DOCK2: variants seen among roughly 807,000 people sequenced by gnomAD.
The protein encoded by DOCK2 is dedicator of cytokinesis 2.
In DOCK2, 87 loss-of-function variants were observed where a neutral mutation model predicts 248.9. That is an observed-to-expected ratio of 0.35 (90% CI 0.29 to 0.42). The LOEUF is 0.42. Ranked by LOEUF, DOCK2 falls within the 10% of genes least tolerant of loss-of-function variation. The probability of loss-of-function intolerance (pLI) is 1.00; values close to 1 mark genes in which losing one functional copy is unlikely to be tolerated. For synonymous variants in DOCK2, 805 were observed against 821.6 expected (o/e 0.98, Z 0.35); for missense variants, 1,747 against 2,300.2 (o/e 0.76, Z 4.92).
chr5:170,069,416 C>T (rs1054903887), intron 46 of DOCK2, among the ~76,000 whole-genome samples, 196 bp downstream of exon 46: 3 of 152,230 alleles, frequency 2.0e-5, no homozygotes, highest in Non-Finnish European at 2.9e-5. Flanking sequence ...GGGCATCGCA[C>T]TCTTGGGTGT....
At position 169,763,715 on chromosome 5, in the gene DOCK2, C is replaced by T. The variant is rs1764614576; in HGVS notation, c.2554+2090C>T. The stretch of plus-strand genomic sequence containing the variant: ...CTGATTAATATTAACTGACAGAAGG[C>T]CAGCCCTGGCGTTGTACACAGTTAA... On this transcript the variant is annotated intron_variant, in intron 25 of 51. Coordinates refer to ENST00000520908, the MANE Select transcript of DOCK2 (RefSeq NM_004946.3). This position sits in a 1 kb window ranked among gnomAD's most constrained non-coding sequence, Gnocchi z 4.1. 6.6e-6 allele frequency among the ~76,000 whole-genome samples: 1 copy of T among 152,192 alleles called. No homozygotes were observed. The highest frequency in any genetic ancestry group is 2.4e-5 in the African/African-American group (1 of 41,428).
At chr5:169,899,066 G>T (rs182146841) in intron 27 of DOCK2, among the ~76,000 whole-genome samples, 101 of 152,316 alleles carry the variant, frequency 6.6e-4, no homozygotes, top group African/African-American at 2.4e-3. Context: ...TACATAAAGT[G>T]CAAGATGGCA....
At position 169,868,251 on chromosome 5, in the gene DOCK2, A is replaced by G. The variant is rs111237419; in HGVS notation, c.2799+27399A>G. Among the ~76,000 whole-genome samples, 226 of 152,332 alleles carry G rather than the reference A, an allele frequency of 1.5e-3. 1 individual carries two copies. Among genetic ancestry groups the G allele is most frequent in the African/African-American group, 5.3e-3 (220 of 41,574 alleles). ...GTTTGAGATAGGTGATTAAGTAACA[A>G]TTGCTTTCAAAATGTACTTCTTATT... On this transcript the variant is annotated intron_variant, in intron 27 of 51. Transcript: ENST00000520908.
intron 27 of DOCK2, among the ~76,000 whole-genome samples, chr5:169,935,348 T>G (rs1004338125): frequency 6.6e-6 from 1 of 151,956 alleles, no homozygotes; most frequent in Non-Finnish European, 1.5e-5. Flanking sequence ...GAATCTCACT[T>G]GCGCCCTTCT....
At chr5:169,712,672 T>G (rs557211141) in intron 17 of DOCK2, among the ~76,000 whole-genome samples, 13 of 152,216 alleles carry the variant, frequency 8.5e-5, no homozygotes, top group Non-Finnish European at 1.8e-4. Flanking sequence ...TGGACTCATC[T>G]CACATATTTT....
At chr5:169,883,980 T>C in intron 27 of DOCK2, 1 of 1,300,186 alleles carries the variant, frequency 7.7e-7, no homozygotes, top group Non-Finnish European at 1.0e-6. Context: ...TATCTAATGA[T>C]AGTATTTCAA....
Position 169,955,579 on chromosome 5 carries a change from G to T in DOCK2, c.2800-27489G>T, listed in dbSNP as rs145570567. ...TGATGCAAAATTTCAGTATGACCTT[G>T]TTGGTTCTTTCCACCTGGTCCTTAA... On this transcript the variant is annotated intron_variant, in intron 27 of 51. Coordinates refer to ENST00000520908, the MANE Select transcript of DOCK2 (RefSeq NM_004946.3). Among the ~76,000 whole-genome samples the T allele has an allele frequency of 3.9e-5, 6 of 152,308 alleles. No homozygotes were observed. The East Asian group carries it at 9.6e-4, about 24-fold the overall frequency.
At chr5:170,042,469 T>A in intron 38 of DOCK2, among the ~76,000 whole-genome samples, 1 of 152,202 alleles carries the variant, frequency 6.6e-6, no homozygotes. Flanking sequence ...GCTCTCCCAA[T>A]CTACTTAAAA....
In DOCK2 at chr5:169,957,192, G is replaced by T. The variant is rs1313544502; in HGVS notation, c.2800-25876G>T. On this transcript the variant is annotated intron_variant, in intron 27 of 51. Coordinates refer to ENST00000520908, the MANE Select transcript of DOCK2 (RefSeq NM_004946.3). ...ATGGAATGGGTACTCAATAAATAAT[G>T]GTGAATAAATGAATGAATGAATTAA... is the stretch of plus-strand genomic sequence containing the variant. Among the ~76,000 whole-genome samples the T allele has an allele frequency of 2.0e-5, 3 of 152,302 alleles. No homozygotes were observed. In the East Asian group the frequency reaches 5.8e-4, roughly 29 times the overall value.
chr5:170,016,599 G>A (rs1755547207), intron 32 of DOCK2, among the ~76,000 whole-genome samples: 1 of 152,212 alleles, frequency 6.6e-6, no homozygotes, highest in African/African-American at 2.4e-5. Context: ...TGTAAAGAAT[G>A]CAGATCAAAA....
At chr5:169,699,981 G>A (rs777036203) in intron 12 of DOCK2, 33 bp from the exon 13 acceptor site, 17 of 1,611,890 alleles carry the variant, frequency 1.1e-5, no homozygotes, top group Non-Finnish European at 1.4e-5. Flanking sequence ...ACTTGCAAAA[G>A]TGGGCTCTTC....
chr5:169,642,491 A>G (rs1757205575), intron 1 of DOCK2, among the ~76,000 whole-genome samples: 1 of 152,230 alleles, frequency 6.6e-6, no homozygotes. Flanking sequence ...AGCAATGGGG[A>G]AAAGAATCCC....
chr5:169,823,977 A>G (rs1768664838), intron 26 of DOCK2, among the ~76,000 whole-genome samples: 1 of 152,218 alleles, frequency 6.6e-6, no homozygotes, highest in Admixed American at 6.5e-5. Context: ...TACTCCAATA[A>G]CAGACAAACA....
Position 170,000,119 on chromosome 5 carries a change from G to A in DOCK2, c.3072+3955G>A, listed in dbSNP as rs371690319. Reference sequence around the variant, plus strand: ...GAGGATTTCAAATTCAAATCAGCAGGTATTTTTGTTTAAGAGCAATTCTTA... The same window carrying A: ...GAGGATTTCAAATTCAAATCAGCAGATATTTTTGTTTAAGAGCAATTCTTA... On this transcript the variant is annotated intron_variant, in intron 30 of 51. Coordinates refer to ENST00000520908, the MANE Select transcript of DOCK2 (RefSeq NM_004946.3). 2.0e-5 allele frequency: 3 copies of A among 152,296 alleles called. No individual in the cohort carries two copies. In the East Asian group the frequency reaches 5.8e-4, roughly 29 times the overall value. The allele number at this position is 152,296 out of a possible 1,614,324, so 9.4% of individuals were successfully genotyped here.
chr5:169,877,286 T>G (rs1772388365), intron 27 of DOCK2, among the ~76,000 whole-genome samples: 1 of 152,154 alleles, frequency 6.6e-6, no homozygotes, highest in Non-Finnish European at 1.5e-5. Flanking sequence ...CAGATTCTAT[T>G]TTTCAGGTGC....
intron 27 of DOCK2, among the ~76,000 whole-genome samples, chr5:169,964,182 G>A (rs1016250880): frequency 1.3e-5 from 2 of 152,162 alleles, no homozygotes; most frequent in Non-Finnish European, 2.9e-5. Context: ...TCTGTGTGCA[G>A]AGGAAGACCC....
At chr5:169,803,348 T>C in intron 26 of DOCK2, 142 bp downstream of exon 26, 1 of 1,082,768 alleles carries the variant, frequency 9.2e-7, no homozygotes, top group Non-Finnish European at 1.3e-6. Flanking sequence ...ACTTTTCCTG[T>C]GACTAACCCC....
At chr5:169,907,484 GAAAGTC>G (rs948234969) in intron 27 of DOCK2, among the ~76,000 whole-genome samples, 7 of 152,326 alleles carry the variant, frequency 4.6e-5, no homozygotes, top group African/African-American at 7.2e-5. Flanking sequence ...GAACATTTTA[GAAAGTC>G]AAAGTAGTTA....
chr5:170,041,046 C>A lies in DOCK2; in HGVS notation c.3666-9C>A. The A allele has an allele frequency of 6.2e-7, 1 of 1,613,602 alleles. No homozygotes were observed. Among genetic ancestry groups the A allele is most frequent in the South Asian group, 1.1e-5 (1 of 91,056 alleles). ...CCTGGTAGCTTACTGCATATTTTCCCTCAAACAGGTACCTGTACAAACTCC... is the reference window on the plus strand; with the variant it reads ...CCTGGTAGCTTACTGCATATTTTCCATCAAACAGGTACCTGTACAAACTCC... On this transcript the variant is annotated splice_polypyrimidine_tract_variant and intron_variant, in intron 36 of 51. Coordinates refer to ENST00000520908, the MANE Select transcript of DOCK2 (RefSeq NM_004946.3).
Sources: allele counts gnomAD v4.1 joint callset (sites outside exome capture counted in the v4.1 genomes callset), GRCh38; gene constraint gnomAD v4.1.1; non-coding constraint Gnocchi (gnomAD v3.1); transcripts MANE v1.5; gene names NCBI Gene and HGNC (gene_info 2026-07-23, HGNC 2026-07-21).